CACNA1B: variants seen among roughly 807,000 people sequenced by gnomAD.
CACNA1B encodes the protein voltage-dependent N-type calcium channel subunit alpha-1B.
In CACNA1B, 70 loss-of-function variants were observed where a neutral mutation model predicts 247.2. The ratio of observed to expected loss-of-function variants is 0.28; its 90% CI spans 0.23 to 0.35. The LOEUF (loss-of-function observed/expected upper bound fraction) is 0.35. Among genes scored for constraint, CACNA1B ranks in the 10% least tolerant of loss-of-function variants. CACNA1B has a pLI of 1.00. For synonymous variants in CACNA1B, 1,231 were observed against 1,294.4 expected, an observed-to-expected ratio of 0.95 and a Z score of 1.05; for missense variants, 2,367 against 3,197.4, an observed-to-expected ratio of 0.74 and a Z score of 6.26.
intron 16 of CACNA1B, among the ~76,000 whole-genome samples, 180 bp from the exon 17 acceptor site, chr9:138,009,830 A>G (rs868653714): frequency 2.0e-5 from 3 of 152,022 alleles, no homozygotes; most frequent in Middle Eastern, 3.4e-3. Flanking sequence ...AGGATGGAAC[A>G]GGGGGCTGGA....
intron 3 of CACNA1B, among the ~76,000 whole-genome samples, chr9:137,901,257 CCTGTGTCTGTGTCT>C (rs971957610): frequency 5.3e-5 from 8 of 149,690 alleles, no homozygotes; most frequent in African/African-American, 2.0e-4. Flanking sequence ...TCTCTGTGTT[CCTGTGTCTGTGTCT>C]CTGTGTCTGT....
Position 137,971,579 on chromosome 9 carries a change from T to C in CACNA1B, c.1530T>C (p.Leu510=), listed in dbSNP as rs199852179. The C allele has an allele frequency of 1.1e-5, 18 of 1,613,000 alleles. No individual in the cohort carries two copies. Among genetic ancestry groups the C allele is most frequent in the Admixed American group, 1.0e-4 (6 of 59,862 alleles). The change falls in exon 11 of 47, where the codon CTT becomes CTC. Residue 510 remains leucine (L), a synonymous_variant. Transcript: ENST00000371372. This position sits in a 1 kb window ranked among gnomAD's most constrained non-coding sequence, Gnocchi z 4.4. ...AMVHYNQPRR[L]TTTLYFAEFV... ...TGCATTACAACCAGCCGCGGCGGCT[T>C]ACCACGACCCTGTGTACGTATCCCC...
intron 6 of CACNA1B, among the ~76,000 whole-genome samples, chr9:137,947,421 G>C (rs1474283453): frequency 6.6e-6 from 1 of 152,120 alleles, no homozygotes; most frequent in Non-Finnish European, 1.5e-5. Context: ...CCTGCCTCCA[G>C]ACCCTATTCT....
intron 36 of CACNA1B, among the ~76,000 whole-genome samples, chr9:138,081,233 A>G (rs185882255): frequency 6.6e-6 from 1 of 152,318 alleles, no homozygotes; most frequent in African/African-American, 2.4e-5. Context: ...CACTCACTAG[A>G]CATGTCCAGG....
At chr9:138,045,044 G>T (rs1297960319) in intron 21 of CACNA1B, among the ~76,000 whole-genome samples, 5 of 152,236 alleles carry the variant, frequency 3.3e-5, no homozygotes, top group Non-Finnish European at 7.3e-5. Context: ...GGCCAGGGAG[G>T]TTTTCTGGTG....
At position 138,121,435 on chromosome 9, in the gene CACNA1B, T is replaced by G; in HGVS notation, c.6490-34T>G. 2.4e-6 allele frequency: 3 copies of G among 1,249,664 alleles called. No individual in the cohort carries two copies. Among genetic ancestry groups the G allele is most frequent in the Non-Finnish European group, 3.2e-6 (3 of 932,184 alleles). The allele number at this position is 1,249,664 out of a possible 1,614,324, so 77.4% of individuals were successfully genotyped here. Reference sequence around the variant, plus strand: ...GGTTCGGCTTTTTTTTTTTTTTTTTTACCTCTGATTTGTTCTGGTCCATTT... The same window carrying G: ...GGTTCGGCTTTTTTTTTTTTTTTTTGACCTCTGATTTGTTCTGGTCCATTT... On this transcript the variant is annotated intron_variant, in intron 46 of 46. Transcript: ENST00000371372. This position sits in a 1 kb window ranked among gnomAD's most constrained non-coding sequence, Gnocchi z 6.8.
At chr9:137,963,126 A>G (rs959468552) in intron 10 of CACNA1B, among the ~76,000 whole-genome samples, 1 of 152,134 alleles carries the variant, frequency 6.6e-6, no homozygotes, top group Non-Finnish European at 1.5e-5. Context: ...ACCCTTTACC[A>G]CTATGTAATA....
At chr9:138,098,357 G>A (rs986986784) in intron 37 of CACNA1B, among the ~76,000 whole-genome samples, 4 of 152,206 alleles carry the variant, frequency 2.6e-5, no homozygotes, top group South Asian at 4.1e-4. Flanking sequence ...GACTCCAGCC[G>A]AGGCAGGATT....
intron 20 of CACNA1B, among the ~76,000 whole-genome samples, chr9:138,043,262 C>T (rs1324754383): frequency 2.0e-5 from 3 of 152,128 alleles, no homozygotes; most frequent in Non-Finnish European, 4.4e-5. Context: ...CTGGGAAGGG[C>T]GTCCTTCCAA....
chr9:138,119,790 C>A (rs1230823828), intron 44 of CACNA1B, among the ~76,000 whole-genome samples: 2 of 152,190 alleles, frequency 1.3e-5, no homozygotes, highest in Admixed American at 6.5e-5. Context: ...GCCTACCCGT[C>A]CCAGGTGTCT....
chr9:138,087,384 C>CAAAAAAAA (rs58566171), intron 36 of CACNA1B, among the ~76,000 whole-genome samples: 5 of 52,652 alleles, frequency 9.5e-5, no homozygotes, highest in African/African-American at 3.2e-4. Context: ...GACTCTGTCT[C>CAAAAAAAA]AAAAAAAAAA....
In CACNA1B at chr9:137,952,471, G is replaced by A; in HGVS notation, c.1070+94G>A. 1.0e-6 allele frequency: 1 copy of A among 979,670 alleles called. No homozygotes were observed. Among genetic ancestry groups the A allele is most frequent in the Non-Finnish European group, 1.6e-6 (1 of 621,080 alleles). The allele number at this position is 979,670 out of a possible 1,614,324, so 60.7% of individuals were successfully genotyped here. On this transcript the variant is annotated intron_variant, in intron 7 of 46. Transcript: ENST00000371372. The surrounding 1 kb of genome is among the most constrained non-coding windows in gnomAD (Gnocchi z 4.8). The stretch of plus-strand genomic sequence containing the variant: ...GTGTGACACTTGGGGTGGGGGCCTG[G>A]CCCATGGGTGCCCTCTGTGGTGGTT...
Position 137,950,252 on chromosome 9 carries a change from C to T in CACNA1B, c.967-2022C>T, listed in dbSNP as rs1957864048. ...AGAGGTGCCTTGTTCTTGTTCTCCA[C>T]GTGATTTCTGCACACTGTGTGTGGG... On this transcript the variant is annotated intron_variant, in intron 6 of 46. Transcript: ENST00000371372. The surrounding 1 kb of genome is among the most constrained non-coding windows in gnomAD (Gnocchi z 4.8). Among the ~76,000 whole-genome samples the T allele has an allele frequency of 6.6e-6, 1 of 152,152 alleles. No homozygotes were observed. Among genetic ancestry groups the T allele is most frequent in the Non-Finnish European group, 1.5e-5 (1 of 68,028 alleles).
rs1415386649 is a variant in CACNA1B at position 138,121,623 on chromosome 9, G to A, written c.6644G>A (p.Gly2215Glu). Reference sequence around the variant, plus strand: ...AACTCCTCACCCATCCACTTCGCCGGGGCTCAGACCAGCCTCCCTGCCTTC... The same window carrying A: ...AACTCCTCACCCATCCACTTCGCCGAGGCTCAGACCAGCCTCCCTGCCTTC... The part of the protein sequence containing the change: ...TANSSPIHFA[G>E]AQTSLPAFSP... Residue 2215 changes from glycine (G) to glutamate (E), a missense_variant, in exon 47 of 47, where the codon GGG becomes GAG. Transcript: ENST00000371372. This position sits in a 1 kb window ranked among gnomAD's most constrained non-coding sequence, Gnocchi z 6.8. 3.1e-6 allele frequency: 5 copies of A among 1,613,012 alleles called. No individual in the cohort carries two copies. Among genetic ancestry groups the A allele is most frequent in the Non-Finnish European group, 4.2e-6 (5 of 1,179,442 alleles).
intron 6 of CACNA1B, among the ~76,000 whole-genome samples, chr9:137,946,891 G>T (rs181059269): frequency 1.5e-3 from 235 of 152,348 alleles, no homozygotes; most frequent in Non-Finnish European, 3.0e-3. Context: ...TACCGGGGGG[G>T]TCTTGACTAT....
chr9:138,064,249 G>T (rs530580248), intron 31 of CACNA1B, among the ~76,000 whole-genome samples: 7 of 152,308 alleles, frequency 4.6e-5, no homozygotes, highest in Non-Finnish European at 8.8e-5. Flanking sequence ...GCAGAGAAAT[G>T]GTTGCTGTCT....
intron 3 of CACNA1B, among the ~76,000 whole-genome samples, chr9:137,906,703 T>C (rs1057373398): frequency 6.6e-6 from 1 of 152,198 alleles, no homozygotes; most frequent in Non-Finnish European, 1.5e-5. Flanking sequence ...ACATATGTGT[T>C]TCTCTTCATC....
Position 137,986,297 on chromosome 9 carries a change from A to C in CACNA1B, c.1770-116A>C, listed in dbSNP as rs1208318080. On this transcript the variant is annotated intron_variant, in intron 13 of 46. Coordinates refer to ENST00000371372, the MANE Select transcript of CACNA1B (RefSeq NM_000718.4). The surrounding 1 kb of genome is among the most constrained non-coding windows in gnomAD (Gnocchi z 6.0). The stretch of plus-strand genomic sequence containing the variant: ...AGAGAAAAGCTCTAACTTCACACCT[A>C]GGTGTGCAGCCCTCAGGGTTTAGAA... 1 of 1,110,968 alleles carries C rather than the reference A, an allele frequency of 9.0e-7. No homozygotes were observed. Among genetic ancestry groups the C allele is most frequent in the Non-Finnish European group, 1.3e-6 (1 of 774,374 alleles). 68.8% of individuals were successfully genotyped at this position (1,110,968 alleles called of 1,614,324 possible).
chr9:137,879,014 C>T lies in CACNA1B; in HGVS notation c.285-40C>T, dbSNP rs200224458. On this transcript the variant is annotated intron_variant, in intron 1 of 46. Transcript: ENST00000371372. The stretch of plus-strand genomic sequence containing the variant: ...CTGCTGGCGTCGGCCTCGTGTTTCC[C>T]TCCGTGCGGCGTCTGCCGGCCAGTC... 2.9e-6 allele frequency: 4 copies of T among 1,368,222 alleles called. No homozygotes were observed. In the South Asian group the frequency reaches 4.9e-5, roughly 17 times the overall value. The allele number at this position is 1,368,222 out of a possible 1,614,324, so 84.8% of individuals were successfully genotyped here.
Sources: allele counts gnomAD v4.1 joint callset (sites outside exome capture counted in the v4.1 genomes callset), GRCh38; gene constraint gnomAD v4.1.1; non-coding constraint Gnocchi (gnomAD v3.1); transcripts MANE v1.5; gene names NCBI Gene and HGNC (gene_info 2026-07-23, HGNC 2026-07-21).